The following NFATC1 variants were observed in gnomAD, a reference collection of about 807,000 sequenced individuals.
The protein encoded by NFATC1 is nuclear factor of activated T-cells, cytoplasmic 1.
In NFATC1, 22 loss-of-function variants were observed where a neutral mutation model predicts 76.0. The ratio of observed to expected loss-of-function variants is 0.29; its 90% CI spans 0.21 to 0.41. The LOEUF (loss-of-function observed/expected upper bound fraction) is 0.41. Among genes scored for constraint, NFATC1 ranks in the 10% least tolerant of loss-of-function variants. The pLI is 1.00. For missense variants in NFATC1, 1,357 were observed against 1,337.7 expected, an observed-to-expected ratio of 1.01 and a Z score of -0.23; for synonymous variants, 704 against 613.1, an observed-to-expected ratio of 1.15 and a Z score of -2.19.
chr18:79,401,852 C>G (rs900094552), intron 1 of NFATC1, among the ~76,000 whole-genome samples: 7 of 152,322 alleles, frequency 4.6e-5, no homozygotes, highest in African/African-American at 1.2e-4. Flanking sequence ...TGCGACAGGC[C>G]CAGTGCTGCC....
intron 9 of NFATC1, among the ~76,000 whole-genome samples, chr18:79,516,613 T>G (rs1025177813): frequency 6.6e-6 from 1 of 152,156 alleles, no homozygotes; most frequent in African/African-American, 2.4e-5. Context: ...GGAGGCTTCA[T>G]GTAGGAGGTT....
chr18:79,411,249 T>C lies in NFATC1; in HGVS notation c.974T>C (p.Leu325Pro). The C allele has an allele frequency of 1.2e-6, 2 of 1,603,150 alleles. No homozygotes were observed. The highest frequency in any genetic ancestry group is 1.7e-6 in the Non-Finnish European group (2 of 1,179,714). The change falls in exon 2 of 10, where the codon CTG (leucine) becomes CCG (proline). Residue 325 changes from leucine (L) to proline (P), a missense_variant. Physicochemically the swap from Leu to Pro is moderately conservative, Grantham distance 98. Transcript: ENST00000427363. The part of the protein sequence containing the change: ...AINALTTDSS[L>P]DLGDGVPVKS... ...AACGCGCTGACCACCGACAGCAGCC[T>C]GGACCTGGGAGATGGCGTCCCTGTC...
At chr18:79,405,988 A>G (rs1288869651) in intron 1 of NFATC1, among the ~76,000 whole-genome samples, 2 of 151,932 alleles carry the variant, frequency 1.3e-5, no homozygotes, top group African/African-American at 4.8e-5. Flanking sequence ...ACTTGCACAC[A>G]GAGACCTGTG....
chr18:79,454,843 G>A (rs1568982244), intron 6 of NFATC1, among the ~76,000 whole-genome samples: 2 of 152,124 alleles, frequency 1.3e-5, no homozygotes, highest in Non-Finnish European at 1.5e-5. Context: ...TCAGCTGCAG[G>A]AAGTGGGAAC....
intron 9 of NFATC1, among the ~76,000 whole-genome samples, chr18:79,525,956 C>T (rs2090750335): frequency 6.6e-6 from 1 of 152,280 alleles, no homozygotes. Flanking sequence ...ATGCCAAGCA[C>T]AGCAGGGCAC....
chr18:79,468,733 C>G (rs2088642771), intron 8 of NFATC1: 3 of 152,322 alleles, frequency 2.0e-5, no homozygotes, highest in South Asian at 4.1e-4. Context: ...AAAGGCCTCT[C>G]AAGATGTGGA....
chr18:79,419,595 C>T (rs1568936749), intron 2 of NFATC1, among the ~76,000 whole-genome samples: 1 of 152,156 alleles, frequency 6.6e-6, no homozygotes, highest in Admixed American at 6.5e-5. Flanking sequence ...CTCAGATGCC[C>T]CCGTGGAGAC....
rs542754933 is a variant in NFATC1, at chr18:79,481,570, A to C, written c.2093-4678A>C. Among the ~76,000 whole-genome samples, 3 of 152,362 alleles carry C rather than the reference A, an allele frequency of 2.0e-5. No homozygotes were observed. The South Asian group carries it at 6.2e-4, about 32-fold the overall frequency. On this transcript the variant is annotated intron_variant, in intron 8 of 9. Transcript: ENST00000427363. ...GGCAGCCCCAGAGGCAGCCACATTC[A>C]GGTGGCTGAAGGCAGAGTCCTCCTC... is the stretch of plus-strand genomic sequence containing the variant.
intron 9 of NFATC1, among the ~76,000 whole-genome samples, chr18:79,525,477 T>C (rs863322): frequency 0.035 from 319 of 9,228 alleles, 7 homozygotes; most frequent in Middle Eastern, 0.071. Context: ...GTCCCACCGT[T>C]GTTACCCCTC....
At chr18:79,496,022 G>GTCAC (rs1164962085) in intron 9 of NFATC1, 4 of 145,070 alleles carry the variant, frequency 2.8e-5, no homozygotes, top group Non-Finnish European at 6.2e-5. Flanking sequence ...GTCCGCGGGT[G>GTCAC]TGTCGCTGTG....
intron 1 of NFATC1, among the ~76,000 whole-genome samples, chr18:79,401,951 C>G (rs1048998230): frequency 2.0e-5 from 3 of 152,242 alleles, no homozygotes; most frequent in African/African-American, 4.8e-5. Context: ...CTGAAGATTT[C>G]ACTGCTTTGC....
At chr18:79,449,311 C>CA (rs369521452) in intron 4 of NFATC1, among the ~76,000 whole-genome samples, 6 of 152,196 alleles carry the variant, frequency 3.9e-5, no homozygotes, top group Non-Finnish European at 5.9e-5. Flanking sequence ...ACGTGAGCAT[C>CA]AAAAAATTAA....
Position 79,433,691 on chromosome 18 carries a change from A to G in NFATC1, c.1339A>G (p.Ser447Gly). The change falls in exon 3 of 10, where the codon AGC (serine) becomes GGC (glycine). Residue 447 changes from serine (S) to glycine (G), a missense_variant. This residue lies in a region of NFATC1 where 242 missense variants were observed against 329.2 expected (regional missense o/e 0.74). Transcript: ENST00000427363. ...CCGAGCCCACTACGAGACGGAGGGCAGCCGGGGGGCCGTGAAGGCGTCGGC... is the reference window on the plus strand; with the variant it reads ...CCGAGCCCACTACGAGACGGAGGGCGGCCGGGGGGCCGTGAAGGCGTCGGC... Reference protein sequence around the residue: ...HHRAHYETEGSRGAVKASAGG... With the variant: ...HHRAHYETEGGRGAVKASAGG... 6.2e-7 allele frequency: 1 copy of G among 1,613,150 alleles called. No homozygotes were observed. The highest frequency in any genetic ancestry group is 8.5e-7 in the Non-Finnish European group (1 of 1,179,916).
chr18:79,448,432 A>C, intron 3 of NFATC1: 1 of 319,810 alleles, frequency 3.1e-6, no homozygotes, highest in Non-Finnish European at 5.8e-6. Context: ...CCTCATCTGG[A>C]TTTATTGGTG....
rs1398660126 is a variant in NFATC1, at chr18:79,443,745, TC to T, written c.1387-5032del. On this transcript the variant is annotated intron_variant, in intron 3 of 9. Coordinates refer to ENST00000427363, the MANE Select transcript of NFATC1 (RefSeq NM_001278669.2). ...GCAGGTACGATCGATCCTGGTCCTG[TC>T]CCCCTAGCCCTGGGCGGGTGTCCCG... is the stretch of plus-strand genomic sequence containing the variant. 2.0e-5 allele frequency among the ~76,000 whole-genome samples: 3 copies of T among 152,254 alleles called. No individual in the cohort carries two copies. The East Asian group carries it at 5.8e-4, about 29-fold the overall frequency.
At chr18:79,485,500 G>A (rs1221388334) in intron 8 of NFATC1, among the ~76,000 whole-genome samples, 9 of 152,370 alleles carry the variant, frequency 5.9e-5, no homozygotes, top group Non-Finnish European at 1.2e-4. Flanking sequence ...CACAAAGGCT[G>A]GGGTGGGCGT....
At chr18:79,426,060 C>A (rs116734624) in intron 2 of NFATC1, among the ~76,000 whole-genome samples, 3,647 of 152,166 alleles carry the variant, frequency 0.024, 149 homozygotes, top group African/African-American at 0.08. Context: ...CAAAATATAA[C>A]AATTAGCCAG....
At chr18:79,494,168 C>T (rs1427487681) in intron 9 of NFATC1, among the ~76,000 whole-genome samples, 4 of 152,264 alleles carry the variant, frequency 2.6e-5, no homozygotes, top group Non-Finnish European at 5.9e-5. Flanking sequence ...TGGTCTCAGC[C>T]AGCGACCGCG....
At chr18:79,407,429 G>A (rs919680866) in intron 1 of NFATC1, among the ~76,000 whole-genome samples, 1 of 152,188 alleles carries the variant, frequency 6.6e-6, no homozygotes, top group African/African-American at 2.4e-5. Flanking sequence ...TCTGGGGAAA[G>A]AAAGACCTCC....
Sources: allele counts gnomAD v4.1 joint callset (sites outside exome capture counted in the v4.1 genomes callset), GRCh38; gene constraint gnomAD v4.1.1; regional missense constraint gnomAD v4.1.1; transcripts MANE v1.5; gene names NCBI Gene and HGNC (gene_info 2026-07-23, HGNC 2026-07-21).